EXPH5: variants seen among roughly 807,000 people sequenced by gnomAD.
EXPH5 encodes the protein exophilin-5.
EXPH5 carries 42 observed loss-of-function variants against 41.1 expected under a neutral mutation model. The observed-to-expected ratio is 1.02, with a 90% confidence interval of 0.80 to 1.32. The LOEUF (loss-of-function observed/expected upper bound fraction) is 1.32. Among genes scored for constraint, EXPH5 ranks in the 40% most tolerant of loss-of-function variants. The probability of loss-of-function intolerance (pLI) is 0.00; values close to 1 mark genes in which losing one functional copy is unlikely to be tolerated. For missense variants in EXPH5, 2,298 were observed against 2,314.5 expected, an observed-to-expected ratio of 0.99 and a Z score of 0.15; for synonymous variants, 798 against 833.5, an observed-to-expected ratio of 0.96 and a Z score of 0.73.
intron 4 of EXPH5, among the ~76,000 whole-genome samples, chr11:108,525,508 C>G (rs2093792873): frequency 6.6e-6 from 1 of 152,340 alleles, no homozygotes; most frequent in Middle Eastern, 3.4e-3. Flanking sequence ...AAGTGTTTCT[C>G]TAGCTCTAAA....
At chr11:108,553,013 T>G (rs7947062) in intron 1 of EXPH5, among the ~76,000 whole-genome samples, 4,561 of 152,082 alleles carry the variant, frequency 0.03, 195 homozygotes, top group African/African-American at 0.097. Context: ...CTGGCCAACA[T>G]GGTGAAAGCC....
chr11:108,552,198 GC>G (rs1204363325), intron 1 of EXPH5: 1 of 152,032 alleles, frequency 6.6e-6, no homozygotes, highest in Non-Finnish European at 1.5e-5. Flanking sequence ...TGCACCAGTA[GC>G]TTTATCATCC....
At chr11:108,534,325 G>C (rs141461899) in intron 3 of EXPH5, among the ~76,000 whole-genome samples, 1 of 152,330 alleles carries the variant, frequency 6.6e-6, no homozygotes, top group African/African-American at 2.4e-5. Context: ...ACAAGGAGAA[G>C]AGTGGTATTA....
intron 1 of EXPH5, among the ~76,000 whole-genome samples, chr11:108,562,103 G>T (rs943359125): frequency 6.6e-6 from 1 of 152,136 alleles, no homozygotes; most frequent in African/African-American, 2.4e-5. Context: ...TGAGGAAACT[G>T]CTCTATGTTC....
At chr11:108,532,126 T>C (rs1375689821) in intron 3 of EXPH5, among the ~76,000 whole-genome samples, 1 of 151,362 alleles carries the variant, frequency 6.6e-6, no homozygotes, top group Non-Finnish European at 1.5e-5. Context: ...CTGTATGATC[T>C]AGTTCCTACA....
intron 1 of EXPH5, among the ~76,000 whole-genome samples, chr11:108,581,054 C>T (rs1454608004): frequency 6.6e-6 from 1 of 152,188 alleles, no homozygotes. Context: ...TGCCTGTCAT[C>T]CCAGCACTTT....
At position 108,512,813 on chromosome 11, in the gene EXPH5, A is replaced by G; in HGVS notation, c.2694T>C (p.Pro898=). 1 of 1,614,204 alleles carries G rather than the reference A, an allele frequency of 6.2e-7. No individual in the cohort carries two copies. The highest frequency in any genetic ancestry group is 8.5e-7 in the Non-Finnish European group (1 of 1,180,014). The change falls in exon 6 of 6, where the codon CCT becomes CCC. Residue 898 remains proline, a synonymous_variant. Transcript: ENST00000265843. ...SPSKNSSLDA[P]VVPSTTVFSR... ...AGAACACTGTAGTAGATGGAACCAC[A>G]GGAGCATCAAGGGAAGAATTCTTTG... is the stretch of plus-strand genomic sequence containing the variant.
In EXPH5 at chr11:108,511,514, G is replaced by A. The variant is rs776942772; in HGVS notation, c.3993C>T (p.Ala1331=). The A allele has an allele frequency of 1.9e-6, 3 of 1,598,254 alleles. No individual in the cohort carries two copies. The highest frequency in any genetic ancestry group is 1.1e-5 in the South Asian group (1 of 87,440). ...GGGGCCCCCTATTTGATAATCGGAAGGCAGTCATATTTTCAGTGGTGAGCG... is the reference window on the plus strand; with the variant it reads ...GGGGCCCCCTATTTGATAATCGGAAAGCAGTCATATTTTCAGTGGTGAGCG... ...DQTLTTENMT[A]FRLSNRGPLA... The change falls in exon 6 of 6, where the codon GCC becomes GCT. Residue 1331 remains alanine (A), a synonymous_variant. Transcript: ENST00000265843.
chr11:108,544,007 C>G (rs1256858830), intron 1 of EXPH5, among the ~76,000 whole-genome samples: 2 of 152,172 alleles, frequency 1.3e-5, no homozygotes, highest in African/African-American at 2.4e-5. Context: ...CCTCCACTTC[C>G]TTGGAGCCCT....
chr11:108,589,875 G>C (rs11212724), intron 1 of EXPH5, among the ~76,000 whole-genome samples: 11,272 of 152,228 alleles, frequency 0.074, 628 homozygotes, highest in East Asian at 0.29. Flanking sequence ...GAGAATTAAA[G>C]TGTATACCTA....
chr11:108,553,111 A>G (rs930415153), intron 1 of EXPH5, among the ~76,000 whole-genome samples: 1 of 152,166 alleles, frequency 6.6e-6, no homozygotes, highest in African/African-American at 2.4e-5. Flanking sequence ...AGGCAGGAGA[A>G]TCGCTTGAAC....
intron 3 of EXPH5, among the ~76,000 whole-genome samples, chr11:108,534,223 A>G (rs1374897261): frequency 6.6e-6 from 1 of 152,208 alleles, no homozygotes. Flanking sequence ...AAAATCATCA[A>G]TGGATGCATG....
intron 1 of EXPH5, among the ~76,000 whole-genome samples, chr11:108,546,151 T>C (rs936138611): frequency 4.7e-5 from 7 of 149,632 alleles, no homozygotes; most frequent in Non-Finnish European, 7.4e-5. Context: ...GTAGCTGGAG[T>C]GTGGAGATGG....
chr11:108,515,137 A>G (rs1184855841), intron 5 of EXPH5, among the ~76,000 whole-genome samples: 2 of 152,144 alleles, frequency 1.3e-5, no homozygotes, highest in Non-Finnish European at 2.9e-5. Flanking sequence ...AAATTGAACT[A>G]TATTCTTCTA....
rs2093645459 is a variant in EXPH5 at position 108,506,656 on chromosome 11, A to T, written c.*2881T>A. 6.6e-6 allele frequency: 1 copy of T among 152,216 alleles called. No individual in the cohort carries two copies. The highest frequency in any genetic ancestry group is 1.5e-5 in the Non-Finnish European group (1 of 68,034). The allele number at this position is 152,216 out of a possible 1,614,324, so 9.4% of individuals were successfully genotyped here. On this transcript the variant is annotated 3_prime_UTR_variant, in exon 6 of 6. Transcript: ENST00000265843. ...AACTCTGAGTATCTTAAAATTGCAT[A>T]GAAAATGTAGGTCATGGTTTATTAA...
chr11:108,552,388 A>G (rs1268300543), intron 1 of EXPH5, among the ~76,000 whole-genome samples: 2 of 152,202 alleles, frequency 1.3e-5, no homozygotes, highest in Non-Finnish European at 2.9e-5. Context: ...GGTAAAGTTA[A>G]ATCATACACG....
chr11:108,534,423 G>T (rs1268457202), intron 3 of EXPH5, among the ~76,000 whole-genome samples: 1 of 152,134 alleles, frequency 6.6e-6, no homozygotes, highest in Non-Finnish European at 1.5e-5. Context: ...CCCGTGTGTT[G>T]TGGCCTCTGC....
chr11:108,509,396 GA>G lies in EXPH5; in HGVS notation c.*140del. 42 of 706,738 alleles carry G rather than the reference GA, an allele frequency of 5.9e-5. No individual in the cohort carries two copies. Among genetic ancestry groups the G allele is most frequent in the South Asian group, 1.3e-4 (5 of 38,140 alleles). The allele number at this position is 706,738 out of a possible 1,614,324, so 43.8% of individuals were successfully genotyped here. On this transcript the variant is annotated 3_prime_UTR_variant, in exon 6 of 6. Coordinates refer to ENST00000265843, the MANE Select transcript of EXPH5 (RefSeq NM_015065.3). ...GGAAGTGTCTATATAGGGTGTGGAGGAAAAAAAAGGAGATGTGGGACATTTC... is the reference window on the plus strand; with the variant it reads ...GGAAGTGTCTATATAGGGTGTGGAGGAAAAAAAGGAGATGTGGGACATTTC...
rs550900428 is a variant in EXPH5 at position 108,507,456 on chromosome 11, C to T, written c.*2081G>A. 6.6e-6 allele frequency: 1 copy of T among 152,062 alleles called. No individual in the cohort carries two copies. Among genetic ancestry groups the T allele is most frequent in the African/African-American group, 2.4e-5 (1 of 41,402 alleles). The allele number at this position is 152,062 out of a possible 1,614,324, so 9.4% of individuals were successfully genotyped here. A position where few individuals can be genotyped will look rare whatever the true frequency, so the allele number is the denominator to read the frequency against. On this transcript the variant is annotated 3_prime_UTR_variant, in exon 6 of 6. Transcript: ENST00000265843. ...ATTAGGTCGCGAAGCAAATATAAAC[C>T]AAGCAAGATAAAATCCACTCATGTT...
Sources: allele counts gnomAD v4.1 joint callset (sites outside exome capture counted in the v4.1 genomes callset), GRCh38; gene constraint gnomAD v4.1.1; transcripts MANE v1.5; gene names NCBI Gene and HGNC (gene_info 2026-07-23, HGNC 2026-07-21).